Variants in ANKRD22 observed in about 807,000 individuals in gnomAD.
The protein encoded by ANKRD22 is ankyrin repeat domain 22.
A neutral mutation model predicts 25.7 loss-of-function variants in ANKRD22; 24 were observed. The ratio of observed to expected loss-of-function variants is 0.93; its 90% CI spans 0.68 to 1.31. ANKRD22 has a LOEUF of 1.31. Ranked by LOEUF, ANKRD22 falls within the 50% of genes most tolerant of loss-of-function variation. The probability of loss-of-function intolerance (pLI) is 0.00; values close to 1 mark genes in which losing one functional copy is unlikely to be tolerated. For synonymous variants in ANKRD22, 84 were observed against 84.3 expected, an observed-to-expected ratio of 1.00 and a Z score of 0.02; for missense variants, 214 against 227.1, an observed-to-expected ratio of 0.94 and a Z score of 0.37.
chr10:88,847,980 T>C (rs748302360), intron 1 of ANKRD22, among the ~76,000 whole-genome samples: 32 of 151,832 alleles, frequency 2.1e-4, no homozygotes, highest in Non-Finnish European at 1.6e-4. Flanking sequence ...CTTTTTTCTC[T>C]TGTTAATTCT....
chr10:88,822,566 T>TTTTTTTTTTTTTTTTTTTTTTTTTTG lies in ANKRD22; in HGVS notation c.*374_*375insCAAAAAAAAAAAAAAAAAAAAAAAAA, dbSNP rs59890033. 1 of 138,176 alleles carries TTTTTTTTTTTTTTTTTTTTTTTTTTG rather than the reference T, an allele frequency of 7.2e-6. No individual in the cohort carries two copies. The highest frequency in any genetic ancestry group is 1.5e-5 in the Non-Finnish European group (1 of 65,446). 8.6% of individuals were successfully genotyped at this position (138,176 alleles called of 1,614,324 possible). ...GGGCTTTTTTTTTTTTTTTTTTTTT[T>TTTTTTTTTTTTTTTTTTTTTTTTTTG]GAGACAGGGTCTCGCTGTGTTGCCC... On this transcript the variant is annotated 3_prime_UTR_variant, in exon 6 of 6. Coordinates refer to ENST00000371930, the MANE Select transcript of ANKRD22 (RefSeq NM_144590.3).
Position 88,820,479 on chromosome 10 carries a change from G to T in ANKRD22, c.*2462C>A. 1 of 1,551,228 alleles carries T rather than the reference G, an allele frequency of 6.4e-7. No individual in the cohort carries two copies. The highest frequency in any genetic ancestry group is 8.7e-7 in the Non-Finnish European group (1 of 1,146,946). The stretch of plus-strand genomic sequence containing the variant: ...CAGGAGGAGACCAACCTTTCCCAGG[G>T]ACGGTGTGAGGCCGTATTGTGAAGC... On this transcript the variant is annotated 3_prime_UTR_variant, in exon 6 of 6. Transcript: ENST00000371930.
chr10:88,828,478 A>G (rs1843875048), intron 3 of ANKRD22, 81 bp downstream of exon 3: 3 of 1,068,108 alleles, frequency 2.8e-6, no homozygotes, highest in East Asian at 4.9e-5. Flanking sequence ...TCTTTTCAAC[A>G]TCTCACTGGC....
At chr10:88,830,304 T>C (rs1436536626) in intron 2 of ANKRD22, among the ~76,000 whole-genome samples, 3 of 152,224 alleles carry the variant, frequency 2.0e-5, no homozygotes, top group Admixed American at 6.5e-5. Context: ...ATTTGTTTTC[T>C]TTTTTAATCT....
At position 88,822,199 on chromosome 10, in the gene ANKRD22, A is replaced by G. The variant is rs1264318703; in HGVS notation, c.*742T>C. The G allele has an allele frequency of 6.6e-6, 1 of 152,220 alleles. No individual in the cohort carries two copies. The highest frequency in any genetic ancestry group is 1.5e-5 in the Non-Finnish European group (1 of 68,038). The allele number at this position is 152,220 out of a possible 1,614,324, so 9.4% of individuals were successfully genotyped here. On this transcript the variant is annotated 3_prime_UTR_variant, in exon 6 of 6. Transcript: ENST00000371930. ...AAGTAAAAAACAAAAAAACAAAAAC[A>G]AACTCTGATTTGTCAATTTGCCAAT...
intron 3 of ANKRD22, among the ~76,000 whole-genome samples, chr10:88,827,331 A>G (rs1564602744): frequency 6.6e-6 from 1 of 152,226 alleles, no homozygotes; most frequent in South Asian, 2.1e-4. Context: ...TTGCACGTGC[A>G]TGAAACTAGA....
At chr10:88,834,125 A>C (rs1167081418) in intron 1 of ANKRD22, among the ~76,000 whole-genome samples, 1 of 152,248 alleles carries the variant, frequency 6.6e-6, no homozygotes, top group Non-Finnish European at 1.5e-5. Context: ...GCTTAAATAA[A>C]ACCTTCAGTG....
chr10:88,823,031 A>G lies in ANKRD22; in HGVS notation c.499-13T>C, dbSNP rs757670753. ...AGCTCTCACCATGCTGAGGGGGGAAAAATATACAGTTATTTCCAATAGAGT... is the reference window on the plus strand; with the variant it reads ...AGCTCTCACCATGCTGAGGGGGGAAGAATATACAGTTATTTCCAATAGAGT... On this transcript the variant is annotated splice_polypyrimidine_tract_variant and intron_variant, in intron 5 of 5. Coordinates refer to ENST00000371930, the MANE Select transcript of ANKRD22 (RefSeq NM_144590.3). The G allele has an allele frequency of 6.1e-5, 98 of 1,608,530 alleles. No homozygotes were observed. The highest frequency in any genetic ancestry group is 7.9e-5 in the Non-Finnish European group (93 of 1,175,182).
chr10:88,851,466 G>T, intron 1 of ANKRD22, 121 bp downstream of exon 1: 1 of 1,029,762 alleles, frequency 9.7e-7, no homozygotes, highest in South Asian at 1.3e-5. Flanking sequence ...CTGACTTAAT[G>T]CTCCCCCAGG....
In ANKRD22 at chr10:88,820,221, C is replaced by G; in HGVS notation, c.*2720G>C. ...TGTTACCTAGAGTTAAGAACTATTC[C>G]TTTTCTCTAGCCAACTCCTGTAAGG... On this transcript the variant is annotated 3_prime_UTR_variant, in exon 6 of 6. Transcript: ENST00000371930. 6.5e-7 allele frequency: 1 copy of G among 1,543,648 alleles called. No individual in the cohort carries two copies. The highest frequency in any genetic ancestry group is 8.7e-7 in the Non-Finnish European group (1 of 1,143,970).
intron 1 of ANKRD22, among the ~76,000 whole-genome samples, chr10:88,845,462 C>G (rs1036239947): frequency 8.5e-5 from 13 of 152,202 alleles, no homozygotes; most frequent in African/African-American, 3.1e-4. Context: ...CTGTATTCAT[C>G]TTCCATCCCC....
chr10:88,829,282 G>A (rs1589323579), intron 2 of ANKRD22, among the ~76,000 whole-genome samples: 1 of 152,186 alleles, frequency 6.6e-6, no homozygotes, highest in Non-Finnish European at 1.5e-5. Context: ...ACAGAAGGTG[G>A]TAATTGGAAT....
chr10:88,832,341 G>A (rs1286856398), intron 1 of ANKRD22, among the ~76,000 whole-genome samples: 4 of 151,660 alleles, frequency 2.6e-5, no homozygotes, highest in Admixed American at 2.6e-4. Flanking sequence ...ACAGGTAGGT[G>A]GGCCTGTCGG....
chr10:88,823,331 A>T lies in ANKRD22; in HGVS notation c.447T>A (p.Ser149=), dbSNP rs1216814305. Residue 149 remains serine (S), a synonymous_variant, in exon 5 of 6, where the codon TCT becomes TCA. Transcript: ENST00000371930. The part of the protein sequence containing the change: ...LHYACEMKNQ[S]LIPLLLEARA... ...GGGCTTCCAAGAGCAGAGGGATAAG[A>T]GACTGGTTTTTCATTTCACAGGCAT... The T allele has an allele frequency of 3.1e-6, 5 of 1,614,004 alleles. No homozygotes were observed. Among genetic ancestry groups the T allele is most frequent in the Non-Finnish European group, 4.2e-6 (5 of 1,180,012 alleles).
chr10:88,841,292 A>T (rs1345744363), intron 1 of ANKRD22, among the ~76,000 whole-genome samples: 1 of 152,102 alleles, frequency 6.6e-6, no homozygotes, highest in Non-Finnish European at 1.5e-5. Flanking sequence ...ACCTCAGACC[A>T]CCACAGAGGT....
intron 1 of ANKRD22, among the ~76,000 whole-genome samples, chr10:88,843,148 T>G (rs1009523605): frequency 1.3e-5 from 2 of 152,148 alleles, no homozygotes; most frequent in African/African-American, 2.4e-5. Flanking sequence ...AAGGCTTCTC[T>G]ATAAAAGCTT....
rs1843767649 is a variant in ANKRD22 at position 88,820,032 on chromosome 10, A to G, written c.*2909T>C. On this transcript the variant is annotated 3_prime_UTR_variant, in exon 6 of 6. Transcript: ENST00000371930. ...TATTATCCCCAGTCACAGAAGAAGA[A>G]ACTGAGGTTCAATAATGTTAAGTAA... Among the ~76,000 whole-genome samples the G allele has an allele frequency of 6.6e-6, 1 of 152,204 alleles. No individual in the cohort carries two copies. The highest frequency in any genetic ancestry group is 1.5e-5 in the Non-Finnish European group (1 of 68,030).
intron 1 of ANKRD22, among the ~76,000 whole-genome samples, chr10:88,842,907 A>G (rs1335211065): frequency 6.6e-6 from 1 of 152,142 alleles, no homozygotes; most frequent in African/African-American, 2.4e-5. Flanking sequence ...GTCTACTGTG[A>G]TTTGCAGTTT....
At chr10:88,825,466 G>T (rs923660221) in intron 4 of ANKRD22, among the ~76,000 whole-genome samples, 1 of 152,206 alleles carries the variant, frequency 6.6e-6, no homozygotes, top group African/African-American at 2.4e-5. Flanking sequence ...TTTGACCTTT[G>T]TCTTATTTAT....
Sources: allele counts gnomAD v4.1 joint callset (sites outside exome capture counted in the v4.1 genomes callset), GRCh38; gene constraint gnomAD v4.1.1; transcripts MANE v1.5; gene names NCBI Gene and HGNC (gene_info 2026-07-23, HGNC 2026-07-21).